Variants in BARHL2 observed in about 807,000 individuals in gnomAD.
The protein encoded by BARHL2 is BarH like homeobox 2.
BARHL2 carries 10 observed loss-of-function variants against 27.1 expected under a neutral mutation model. That is an observed-to-expected ratio of 0.37 (90% confidence interval 0.23 to 0.63). The LOEUF is 0.63. BARHL2 is among the 20% of genes least tolerant of loss of function. The pLI is 0.65. For missense variants in BARHL2, 483 were observed against 533.5 expected (o/e 0.91, Z 0.93); for synonymous variants, 248 against 224.7 (o/e 1.10, Z -0.93).
intron 2 of BARHL2, 151 bp from the exon 3 acceptor site, chr1:90,712,775 C>G: frequency 1.2e-6 from 1 of 808,828 alleles, no homozygotes; most frequent in Admixed American, 3.0e-5. Flanking sequence ...GGCAATGCAC[C>G]ACATCTCCTG....
intron 2 of BARHL2, 103 bp downstream of exon 2, chr1:90,714,428 C>T: frequency 8.6e-7 from 1 of 1,168,010 alleles, no homozygotes. Context: ...CAGGGTCACT[C>T]TCAGTCCTTA....
chr1:90,716,462 A>C, intron 1 of BARHL2, 109 bp downstream of exon 1: 2 of 1,223,060 alleles, frequency 1.6e-6, no homozygotes, highest in South Asian at 2.5e-5. Context: ...CAGTCGCCCG[A>C]GAAGCTCCTG....
At chr1:90,715,116 T>G (rs530488762) in intron 1 of BARHL2, among the ~76,000 whole-genome samples, 5 of 152,136 alleles carry the variant, frequency 3.3e-5, no homozygotes, top group African/African-American at 4.8e-5. Context: ...CTTTATTGTT[T>G]TCAGTATGAC....
At chr1:90,713,980 TG>T (rs940700100) in intron 2 of BARHL2, among the ~76,000 whole-genome samples, 12 of 152,342 alleles carry the variant, frequency 7.9e-5, no homozygotes, top group African/African-American at 2.9e-4. Context: ...CTAACCCAGC[TG>T]GGCTCTCCTA....
chr1:90,716,816 T>C lies in BARHL2; in HGVS notation c.380A>G (p.Gln127Arg). 1 of 1,552,494 alleles carries C rather than the reference T, an allele frequency of 6.4e-7. No individual in the cohort carries two copies. The highest frequency in any genetic ancestry group is 8.7e-7 in the Non-Finnish European group (1 of 1,147,778). ...PQQPPPPPPQ[Q>R]LGSAASAPRT... ...GGGGGCCGAGGCGGCCGAGCCCAGCTGCTGGGGGGGCGGCGGCGGCGGCTG... is the reference window on the plus strand; with the variant it reads ...GGGGGCCGAGGCGGCCGAGCCCAGCCGCTGGGGGGGCGGCGGCGGCGGCTG... Residue 127 changes from glutamine to arginine, a missense_variant, in exon 1 of 3, where the codon CAG becomes CGG. Physicochemically the swap from Gln to Arg is conservative, Grantham distance 43. Transcript: ENST00000370445.
rs377127285 is a variant in BARHL2 at position 90,716,974 on chromosome 1, C to G, written c.222G>C (p.Glu74Asp). The G allele has an allele frequency of 6.2e-7, 1 of 1,613,446 alleles. No homozygotes were observed. The highest frequency in any genetic ancestry group is 8.5e-7 in the Non-Finnish European group (1 of 1,179,760). ...GGGTCGCGTCTGCTACCAGATGCGG[C>G]TCCGGGGGCTCCATGGTGACTGAGA... Reference protein sequence around the residue: ...SPISVTMEPPEPHLVADATQH... With the variant: ...SPISVTMEPPDPHLVADATQH... The change falls in exon 1 of 3, where the codon GAG becomes GAC. Residue 74 changes from glutamate to aspartate, a missense_variant. Glu to Asp is a conservative substitution (Grantham distance 45). Coordinates refer to ENST00000370445, the MANE Select transcript of BARHL2 (RefSeq NM_020063.2).
In BARHL2 at chr1:90,717,175, G is replaced by A; in HGVS notation, c.21C>T (p.Ser7=). The change falls in exon 1 of 3, where the codon AGC becomes AGT. Residue 7 remains serine, a synonymous_variant. Transcript: ENST00000370445. MTMEGA[S]GSSFGIDTIL... is the part of the protein sequence containing the mutation. ...TCGTGTCTATTCCAAAACTCGACCC[G>A]CTGGCCCCTTCCATTGTCATTGCTA... The A allele has an allele frequency of 6.2e-7, 1 of 1,612,886 alleles. No homozygotes were observed.
chr1:90,714,833 C>A, intron 1 of BARHL2, 77 bp from the exon 2 acceptor site: 1 of 1,419,652 alleles, frequency 7.0e-7, no homozygotes, highest in Middle Eastern at 1.8e-4. Context: ...GCATACACTT[C>A]CACATTCCCA....
Position 90,714,513 on chromosome 1 carries a change from C to T in BARHL2, c.851+18G>A, listed in dbSNP as rs754755754. ...TAAATGGCCAGACACCTTTGCTCCC[C>T]CAAAGTGCCTCCCTTACCTGCGGTT... On this transcript the variant is annotated intron_variant, in intron 2 of 2. Coordinates refer to ENST00000370445, the MANE Select transcript of BARHL2 (RefSeq NM_020063.2). The T allele has an allele frequency of 6.2e-7, 1 of 1,612,478 alleles. No homozygotes were observed. The highest frequency in any genetic ancestry group is 8.5e-7 in the Non-Finnish European group (1 of 1,178,516).
intron 1 of BARHL2, among the ~76,000 whole-genome samples, 194 bp downstream of exon 1, chr1:90,716,377 A>G (rs1470065887): frequency 1.3e-5 from 2 of 152,180 alleles, no homozygotes; most frequent in Non-Finnish European, 2.9e-5. Context: ...GGGGTAGAAC[A>G]ATAAACAGAA....
chr1:90,712,443 G>A lies in BARHL2; in HGVS notation c.1033C>T (p.Pro345Ser). The change falls in exon 3 of 3, where the codon CCT becomes TCT. Residue 345 changes from proline to serine, a missense_variant. Pro to Ser is a moderately conservative substitution (Grantham distance 74, BLOSUM62 -1). Coordinates refer to ENST00000370445, the MANE Select transcript of BARHL2 (RefSeq NM_020063.2). ...TGCAGCTGGGGATGGGGTGCTGGAG[G>A]AGTCCGGTACATGCTGCTGTACATG... ...AAMYSSMYRT[P>S]PAPHPQLQRP... The A allele has an allele frequency of 6.2e-7, 1 of 1,612,628 alleles. No homozygotes were observed. The highest frequency in any genetic ancestry group is 1.3e-5 in the African/African-American group (1 of 75,034).
intron 2 of BARHL2, among the ~76,000 whole-genome samples, chr1:90,713,884 A>G (rs1343099331): frequency 3.9e-5 from 6 of 152,206 alleles, no homozygotes; most frequent in Non-Finnish European, 8.8e-5. Context: ...CAGCCAGTAC[A>G]GGGGACAGAC....
At chr1:90,713,056 CCT>C (rs1438042613) in intron 2 of BARHL2, among the ~76,000 whole-genome samples, 3 of 152,136 alleles carry the variant, frequency 2.0e-5, no homozygotes, top group Non-Finnish European at 2.9e-5. Context: ...GCTCTCAGCC[CCT>C]CTTCCTTCCC....
In BARHL2 at chr1:90,712,305, A is replaced by G; in HGVS notation, c.*7T>C. Reference sequence around the variant, plus strand: ...GAAGGGATTGCAGTGCCTTCGCTGCAATGTTTTCACCGGGGGTGTGGGGTG... The same window carrying G: ...GAAGGGATTGCAGTGCCTTCGCTGCGATGTTTTCACCGGGGGTGTGGGGTG... On this transcript the variant is annotated 3_prime_UTR_variant, in exon 3 of 3. Transcript: ENST00000370445. 6.9e-7 allele frequency: 1 copy of G among 1,451,496 alleles called. No homozygotes were observed. The highest frequency in any genetic ancestry group is 2.5e-5 in the East Asian group (1 of 39,930). The allele number at this position is 1,451,496 out of a possible 1,614,324, so 89.9% of individuals were successfully genotyped here. A position where few individuals can be genotyped will look rare whatever the true frequency, so the allele number is the denominator to read the frequency against.
chr1:90,715,493 A>C (rs1021599067), intron 1 of BARHL2, among the ~76,000 whole-genome samples: 7 of 152,152 alleles, frequency 4.6e-5, no homozygotes, highest in Non-Finnish European at 2.9e-5. Context: ...CCGTTTGTGC[A>C]GTGCTCCTTG....
In BARHL2 at chr1:90,715,465, A is replaced by T. The variant is rs569799703; in HGVS notation, c.626-709T>A. On this transcript the variant is annotated intron_variant, in intron 1 of 2. Coordinates refer to ENST00000370445, the MANE Select transcript of BARHL2 (RefSeq NM_020063.2). ...GAAATGCTGGGAAATCGATATGTCA[A>T]TCCCTCCCTGTTTGTACCCGTTTGT... Among the ~76,000 whole-genome samples, 8 of 152,182 alleles carry T rather than the reference A, an allele frequency of 5.3e-5. 1 individual carries two copies. Among genetic ancestry groups the T allele is most frequent in the African/African-American group, 1.9e-4 (8 of 41,512 alleles).
Position 90,716,631 on chromosome 1 carries a change from C to G in BARHL2, c.565G>C (p.Glu189Gln). ...TTGTCGAGTTTGGTCTTGCTGTCCT[C>G]CTGCTCGAGCTTTGGCCTGAAGCTC... ...HESFRPKLEQ[E>Q]DSKTKLDKRE... The change falls in exon 1 of 3, where the codon GAG (glutamate) becomes CAG (glutamine). Residue 189 changes from glutamate (E) to glutamine (Q), a missense_variant. Glu to Gln is a conservative substitution (Grantham distance 29). Transcript: ENST00000370445. 2 of 1,614,164 alleles carry G rather than the reference C, an allele frequency of 1.2e-6. No homozygotes were observed. The highest frequency in any genetic ancestry group is 1.7e-6 in the Non-Finnish European group (2 of 1,180,030).
rs1010186380 is a variant in BARHL2 at position 90,717,270 on chromosome 1, A to C, written c.-75T>G. 23 of 1,553,640 alleles carry C rather than the reference A, an allele frequency of 1.5e-5. No individual in the cohort carries two copies. The highest frequency in any genetic ancestry group is 2.0e-5 in the Non-Finnish European group (23 of 1,163,060). On this transcript the variant is annotated 5_prime_UTR_variant, in exon 1 of 3. Transcript: ENST00000370445. ...AGCGAAGAAAGCTATCGATCGTAAAACAAAATAAACACCAAACAATGTTGC... is the reference window on the plus strand; with the variant it reads ...AGCGAAGAAAGCTATCGATCGTAAACCAAAATAAACACCAAACAATGTTGC...
Position 90,717,060 on chromosome 1 carries a change from G to C in BARHL2, c.136C>G (p.Gln46Glu), listed in dbSNP as rs1658167179. Residue 46 changes from glutamine to glutamate, a missense_variant, in exon 1 of 3, where the codon CAG becomes GAG. Transcript: ENST00000370445. ...TCCGAACAGGGAGATGGGGTGGCCT[G>C]ACTCCTAAAATCCGCGGTCCTGGCC... is the stretch of plus-strand genomic sequence containing the variant. ...GEARTADFRSQATPSPCSEID... is the reference protein window; with the variant it reads ...GEARTADFRSEATPSPCSEID... 1.2e-6 allele frequency: 2 copies of C among 1,614,038 alleles called. No homozygotes were observed. The highest frequency in any genetic ancestry group is 1.7e-6 in the Non-Finnish European group (2 of 1,179,998).
Sources: allele counts gnomAD v4.1 joint callset (sites outside exome capture counted in the v4.1 genomes callset), GRCh38; gene constraint gnomAD v4.1.1; transcripts MANE v1.5; gene names NCBI Gene and HGNC (gene_info 2026-07-23, HGNC 2026-07-21).